The following MSRB3 variants were observed in gnomAD, a reference collection of about 807,000 sequenced individuals.
The protein encoded by MSRB3 is methionine sulfoxide reductase B3.
In MSRB3, 13 loss-of-function variants were observed where a neutral mutation model predicts 21.0. The ratio of observed to expected loss-of-function variants is 0.62; its 90% CI spans 0.40 to 0.98. MSRB3 has a LOEUF of 0.98. Among genes scored for constraint, MSRB3 ranks in the 50% least tolerant of loss-of-function variants. The pLI, the probability that MSRB3 is intolerant of heterozygous loss-of-function variation, is 0.00. For synonymous variants in MSRB3, 87 were observed against 88.6 expected (o/e 0.98, Z 0.10); for missense variants, 199 against 230.3 (o/e 0.86, Z 0.88).
At chr12:65,411,468 A>G (rs1880712239) in intron 5 of MSRB3, among the ~76,000 whole-genome samples, 1 of 152,166 alleles carries the variant, frequency 6.6e-6, no homozygotes, top group African/African-American at 2.4e-5. Context: ...TTAAAACCTC[A>G]CAAGTAGAAA....
At chr12:65,319,512 T>C (rs1356850019) in intron 2 of MSRB3, among the ~76,000 whole-genome samples, 1 of 152,330 alleles carries the variant, frequency 6.6e-6, no homozygotes, top group Non-Finnish European at 1.5e-5. Flanking sequence ...TTGTTAACTC[T>C]CTTTACACAA....
intron 5 of MSRB3, among the ~76,000 whole-genome samples, chr12:65,402,124 G>A (rs1880160987): frequency 6.6e-6 from 1 of 152,158 alleles, no homozygotes; most frequent in African/African-American, 2.4e-5. Context: ...TCTTTGTGGT[G>A]TTCTCTGTAT....
intron 1 of MSRB3, among the ~76,000 whole-genome samples, chr12:65,280,495 G>A (rs1175392017): frequency 1.3e-5 from 2 of 152,308 alleles, no homozygotes; most frequent in African/African-American, 4.8e-5. Flanking sequence ...GGCCTTCGAA[G>A]ACCAGAATCC....
At chr12:65,458,384 G>A (rs1883184394) in intron 6 of MSRB3, among the ~76,000 whole-genome samples, 1 of 152,176 alleles carries the variant, frequency 6.6e-6, no homozygotes, top group East Asian at 1.9e-4. Context: ...ATTGTAAAGA[G>A]GTTTGTCCAT....
chr12:65,333,903 A>C (rs568651092), intron 4 of MSRB3, among the ~76,000 whole-genome samples: 4 of 152,344 alleles, frequency 2.6e-5, no homozygotes, highest in Admixed American at 1.3e-4. Context: ...TCACATGCAT[A>C]TCTGAACTCT....
intron 1 of MSRB3, chr12:65,284,884 A>G (rs1191248170): frequency 6.6e-6 from 1 of 152,210 alleles, no homozygotes; most frequent in African/African-American, 2.4e-5. Context: ...TCTAAACTAC[A>G]AAATCATTTC....
At chr12:65,432,059 A>G (rs544502661) in intron 5 of MSRB3, among the ~76,000 whole-genome samples, 3 of 152,192 alleles carry the variant, frequency 2.0e-5, no homozygotes, top group African/African-American at 7.2e-5. Context: ...AGGTAGTTAT[A>G]TATTATTTGT....
Position 65,406,307 on chromosome 12 carries a change from A to G in MSRB3, c.292+37281A>G, listed in dbSNP as rs528822488. On this transcript the variant is annotated intron_variant, in intron 5 of 6. Transcript: ENST00000308259. ...CATGGCTATAATCTAACAACAAACTATCCAAAAAGAAATCAAGAAAACTAT... is the reference window on the plus strand; with the variant it reads ...CATGGCTATAATCTAACAACAAACTGTCCAAAAAGAAATCAAGAAAACTAT... Among the ~76,000 whole-genome samples, 8 of 152,358 alleles carry G rather than the reference A, an allele frequency of 5.3e-5. No individual in the cohort carries two copies. In the East Asian group the frequency reaches 1.5e-3, roughly 29 times the overall value.
intron 2 of MSRB3, among the ~76,000 whole-genome samples, chr12:65,316,783 T>C (rs1874328615): frequency 6.6e-6 from 1 of 152,164 alleles, no homozygotes; most frequent in Non-Finnish European, 1.5e-5. Flanking sequence ...TGTTTTACCA[T>C]TGAGGCAGGG....
intron 1 of MSRB3, among the ~76,000 whole-genome samples, chr12:65,289,207 G>A (rs2136392445): frequency 6.6e-6 from 1 of 152,280 alleles, no homozygotes; most frequent in Middle Eastern, 3.4e-3. Context: ...TTATATAAAT[G>A]TTATTGGCCG....
At chr12:65,462,957 G>GT (rs1392796918) in intron 6 of MSRB3, among the ~76,000 whole-genome samples, 198 bp from the exon 7 acceptor site, 1 of 152,190 alleles carries the variant, frequency 6.6e-6, no homozygotes, top group Non-Finnish European at 1.5e-5. Context: ...CAATTCTAGT[G>GT]TTTTTTGTTC....
At chr12:65,396,649 C>A (rs149260765) in intron 5 of MSRB3, among the ~76,000 whole-genome samples, 36 of 149,428 alleles carry the variant, frequency 2.4e-4, no homozygotes, top group Middle Eastern at 3.5e-3. Flanking sequence ...CAAGATCATG[C>A]CATTACACTC....
At chr12:65,386,494 T>C (rs1041918525) in intron 5 of MSRB3, among the ~76,000 whole-genome samples, 1 of 152,114 alleles carries the variant, frequency 6.6e-6, no homozygotes, top group South Asian at 2.1e-4. Flanking sequence ...TCTAAAATTT[T>C]TCTCTTGGAG....
At position 65,278,744 on chromosome 12, in the gene MSRB3, CCGG is replaced by C. The variant is rs772169598; in HGVS notation, c.-165_-163del. On this transcript the variant is annotated 5_prime_UTR_variant, in exon 1 of 7. Coordinates refer to ENST00000308259, the MANE Select transcript of MSRB3 (RefSeq NM_001031679.3). The stretch of plus-strand genomic sequence containing the variant: ...GGAGGGAGGGAGCGAGGTTCGGACA[CCGG>C]CGGCGGCTGCCTGGCCTTTCCATGA... 6 of 1,569,908 alleles carry C rather than the reference CCGG, an allele frequency of 3.8e-6. No individual in the cohort carries two copies. The South Asian group carries it at 5.8e-5, about 15-fold the overall frequency.
chr12:65,365,171 G>T (rs766699183), intron 4 of MSRB3, among the ~76,000 whole-genome samples: 4 of 151,234 alleles, frequency 2.6e-5, no homozygotes, highest in African/African-American at 9.7e-5. Flanking sequence ...TCATTTGTTC[G>T]TGTGTTAATT....
At chr12:65,383,639 AAG>A (rs1281247802) in intron 5 of MSRB3, among the ~76,000 whole-genome samples, 1 of 150,894 alleles carries the variant, frequency 6.6e-6, no homozygotes, top group Non-Finnish European at 1.5e-5. Context: ...TAAATGAACA[AAG>A]AGATGCATTG....
At chr12:65,351,260 C>A (rs1876965919) in intron 4 of MSRB3, among the ~76,000 whole-genome samples, 2 of 150,318 alleles carry the variant, frequency 1.3e-5, no homozygotes, top group Non-Finnish European at 2.9e-5. Context: ...TTCTTTGAAA[C>A]CAACGAGAAC....
intron 5 of MSRB3, among the ~76,000 whole-genome samples, chr12:65,380,413 TA>T (rs1878875590): frequency 6.6e-6 from 1 of 151,932 alleles, no homozygotes; most frequent in African/African-American, 2.4e-5. Flanking sequence ...CCATCTCTAC[TA>T]AAAATGCAAA....
chr12:65,362,672 C>T (rs972981949), intron 4 of MSRB3, among the ~76,000 whole-genome samples: 1 of 152,042 alleles, frequency 6.6e-6, no homozygotes, highest in African/African-American at 2.4e-5. Context: ...GGGATTTAAT[C>T]GAGCCTGCCC....
Sources: allele counts gnomAD v4.1 joint callset (sites outside exome capture counted in the v4.1 genomes callset), GRCh38; gene constraint gnomAD v4.1.1; transcripts MANE v1.5; gene names NCBI Gene and HGNC (gene_info 2026-07-23, HGNC 2026-07-21).